Variants in PRKN observed in about 807,000 individuals in gnomAD.
The protein encoded by PRKN is E3 ubiquitin-protein ligase parkin.
PRKN carries 56 observed loss-of-function variants against 59.5 expected under a neutral mutation model. The ratio of observed to expected loss-of-function variants is 0.94; its 90% CI spans 0.76 to 1.18. The LOEUF is 1.18. PRKN is among the 50% of genes most tolerant of loss of function. The pLI is 0.00. For synonymous variants in PRKN, 250 were observed against 222.1 expected (o/e 1.13, Z -1.12); for missense variants, 657 against 596.4 (o/e 1.10, Z -1.06).
At chr6:161,865,132 G>A (rs1052543361) in intron 6 of PRKN, among the ~76,000 whole-genome samples, 6 of 152,148 alleles carry the variant, frequency 3.9e-5, no homozygotes, top group African/African-American at 1.2e-4. Flanking sequence ...CCATCAGAGC[G>A]CTTGGGTGAC....
chr6:161,635,995 G>T (rs1783500563), intron 7 of PRKN, among the ~76,000 whole-genome samples: 1 of 152,152 alleles, frequency 6.6e-6, no homozygotes, highest in Non-Finnish European at 1.5e-5. Flanking sequence ...CCAGGGCTGT[G>T]TCCTCAACCC....
At chr6:162,235,562 C>T (rs1298639279) in intron 3 of PRKN, among the ~76,000 whole-genome samples, 2 of 152,144 alleles carry the variant, frequency 1.3e-5, no homozygotes, top group Admixed American at 6.5e-5. Flanking sequence ...AATCCCAGCA[C>T]TTTGGGAGGC....
intron 1 of PRKN, among the ~76,000 whole-genome samples, chr6:162,610,103 T>A (rs1186890260): frequency 2.6e-5 from 4 of 152,222 alleles, no homozygotes; most frequent in African/African-American, 7.2e-5. Context: ...CATATTTACA[T>A]AGCATGTACT....
chr6:161,793,089 T>C (rs1046799523), intron 6 of PRKN, among the ~76,000 whole-genome samples: 1 of 152,172 alleles, frequency 6.6e-6, no homozygotes, highest in African/African-American at 2.4e-5. Flanking sequence ...TTATTTGAAT[T>C]AGCCAAGTGA....
At chr6:162,374,386 TA>T (rs1785936531) in intron 2 of PRKN, among the ~76,000 whole-genome samples, 1 of 131,924 alleles carries the variant, frequency 7.6e-6, no homozygotes, top group East Asian at 2.7e-4. Flanking sequence ...CCTGGTCTGC[TA>T]TAGTTTTTTT....
intron 6 of PRKN, among the ~76,000 whole-genome samples, chr6:161,922,838 C>T (rs1268071058): frequency 6.6e-6 from 1 of 152,184 alleles, no homozygotes; most frequent in Non-Finnish European, 1.5e-5. Flanking sequence ...AATTTTCATA[C>T]ATCTTGGATT....
Position 162,097,347 on chromosome 6 carries a change from C to T in PRKN, c.535-43173G>A, listed in dbSNP as rs78273952. Among the ~76,000 whole-genome samples, 782 of 152,286 alleles carry T rather than the reference C, an allele frequency of 5.1e-3. 12 individuals are homozygous for T. Among genetic ancestry groups the T allele is most frequent in the African/African-American group, 0.017 (723 of 41,578 alleles). Reference sequence around the variant, plus strand: ...GTCTTGTGTTCAAGCACATCACATACATCATCCACATGAGCTGTCCCAAAG... The same window carrying T: ...GTCTTGTGTTCAAGCACATCACATATATCATCCACATGAGCTGTCCCAAAG... On this transcript the variant is annotated intron_variant, in intron 4 of 11. Transcript: ENST00000366898.
At chr6:161,683,330 G>T (rs1785440700) in intron 7 of PRKN, among the ~76,000 whole-genome samples, 1 of 152,182 alleles carries the variant, frequency 6.6e-6, no homozygotes, top group Non-Finnish European at 1.5e-5. Flanking sequence ...AAGAGGACTG[G>T]AGTGTCAAAA....
intron 10 of PRKN, among the ~76,000 whole-genome samples, chr6:161,375,926 A>G (rs1237982336): frequency 6.6e-6 from 1 of 152,212 alleles, no homozygotes; most frequent in Non-Finnish European, 1.5e-5. Flanking sequence ...AGTGGCATCA[A>G]ACCTGCTTTA....
At chr6:162,228,347 A>C (rs188568207) in intron 3 of PRKN, among the ~76,000 whole-genome samples, 1 of 152,226 alleles carries the variant, frequency 6.6e-6, no homozygotes. Flanking sequence ...GATGCAAAGC[A>C]TAAGTGGGTC....
Position 162,197,457 on chromosome 6 carries a change from T to C in PRKN, c.534+3674A>G, listed in dbSNP as rs1015075255. Among the ~76,000 whole-genome samples the C allele has an allele frequency of 5.9e-5, 9 of 152,342 alleles. No individual in the cohort carries two copies. The South Asian group carries it at 1.5e-3, about 25-fold the overall frequency. ...TTAATTGTCCCTAAATCCATAAGCA[T>C]ATTTTTTTCAAGAGTATGTTTCAGT... On this transcript the variant is annotated intron_variant, in intron 4 of 11. Transcript: ENST00000366898.
At chr6:161,474,901 C>T (rs185713969) in intron 9 of PRKN, among the ~76,000 whole-genome samples, 2 of 150,282 alleles carry the variant, frequency 1.3e-5, no homozygotes, top group Non-Finnish European at 1.5e-5. Context: ...CACGCCCGGC[C>T]CACTATTACT....
chr6:161,679,245 A>G (rs563399762), intron 7 of PRKN, among the ~76,000 whole-genome samples: 1 of 152,170 alleles, frequency 6.6e-6, no homozygotes, highest in South Asian at 2.1e-4. Context: ...TGCCTATAGG[A>G]CTAATACTGC....
At chr6:161,671,351 C>G (rs974494201) in intron 7 of PRKN, among the ~76,000 whole-genome samples, 3 of 152,198 alleles carry the variant, frequency 2.0e-5, no homozygotes, top group Admixed American at 6.5e-5. Context: ...GCACCTCACA[C>G]TGAAATAAGA....
chr6:162,130,125 C>T (rs1781288999), intron 4 of PRKN, among the ~76,000 whole-genome samples: 1 of 152,088 alleles, frequency 6.6e-6, no homozygotes. Context: ...TTTCTGGCCC[C>T]CAAATACAGG....
intron 7 of PRKN, chr6:161,716,092 C>T: frequency 1.5e-6 from 2 of 1,345,580 alleles, no homozygotes; most frequent in South Asian, 1.1e-5. Flanking sequence ...TCTCCTGAAT[C>T]CCCCCAGAGC....
In PRKN at chr6:161,468,462, G is replaced by GTA. The variant is rs2115185130; in HGVS notation, c.1083+80391_1083+80392insTA. ...CAGAGTATCCTTTAAATGGCAAGGG[G>GTA]GTACTTCAGCCTGACTCCATTTTTG... On this transcript the variant is annotated intron_variant, in intron 9 of 11. Coordinates refer to ENST00000366898, the MANE Select transcript of PRKN (RefSeq NM_004562.3). The surrounding 1 kb of genome is among the most constrained non-coding windows in gnomAD (Gnocchi z 5.9). 6.6e-6 allele frequency among the ~76,000 whole-genome samples: 1 copy of GTA among 152,122 alleles called. No individual in the cohort carries two copies. Among genetic ancestry groups the GTA allele is most frequent in the Admixed American group, 6.5e-5 (1 of 15,278 alleles).
At chr6:162,353,655 G>A (rs892637353) in intron 2 of PRKN, among the ~76,000 whole-genome samples, 5 of 152,052 alleles carry the variant, frequency 3.3e-5, no homozygotes, top group Admixed American at 2.6e-4. Flanking sequence ...CTTGTACATA[G>A]TTCCTGGAAT....
rs398003250 is a variant in PRKN at position 162,647,949 on chromosome 6, CAAAAAAAAAAA to C, written c.7+79702_7+79712del. 8.9e-4 allele frequency among the ~76,000 whole-genome samples: 67 copies of C among 75,654 alleles called. 2 individuals carry two copies. In the East Asian group the frequency reaches 0.023, roughly 26 times the overall value. The allele number at this position is 75,654 out of a possible 152,430, so 49.6% of individuals were successfully genotyped here. ...GAACCATCTCTATATGTCCACAGTGCAAAAAAAAAAAAAAAAAAAAAAAAAAAAGTCTACGG... is the reference window on the plus strand; with the variant it reads ...GAACCATCTCTATATGTCCACAGTGCAAAAAAAAAAAAAAAAAGTCTACGG... On this transcript the variant is annotated intron_variant, in intron 1 of 11. Coordinates refer to ENST00000366898, the MANE Select transcript of PRKN (RefSeq NM_004562.3).
Sources: allele counts gnomAD v4.1 joint callset (sites outside exome capture counted in the v4.1 genomes callset), GRCh38; gene constraint gnomAD v4.1.1; non-coding constraint Gnocchi (gnomAD v3.1); transcripts MANE v1.5; gene names NCBI Gene and HGNC (gene_info 2026-07-23, HGNC 2026-07-21).